The following ZNF282 variants were observed in gnomAD, a reference collection of about 807,000 sequenced individuals.
The protein encoded by ZNF282 is HTLV-I U5 repressive element-binding protein 1.
A neutral mutation model predicts 61.9 loss-of-function variants in ZNF282; 30 were observed. The ratio of observed to expected loss-of-function variants is 0.48; its 90% confidence interval spans 0.36 to 0.66. The LOEUF (loss-of-function observed/expected upper bound fraction) is 0.66. Ranked by LOEUF, ZNF282 falls within the 30% of genes least tolerant of loss-of-function variation. The pLI is 0.00. For synonymous variants in ZNF282, 396 were observed against 405.0 expected (o/e 0.98, Z 0.27); for missense variants, 788 against 941.4 (o/e 0.84, Z 2.13).
Position 149,198,586 on chromosome 7 carries a change from C to T in ZNF282, c.419C>T (p.Ala140Val), listed in dbSNP as rs1409761481. The change falls in exon 2 of 8, where the codon GCC becomes GTC. Residue 140 changes from alanine (A) to valine (V), a missense_variant. Around this residue, in one of 3 missense-constraint regions of ZNF282, gnomAD observed 92 missense variants for 163.9 expected, o/e 0.56. Transcript: ENST00000610704. This position sits in a 1 kb window ranked among gnomAD's most constrained non-coding sequence, Gnocchi z 4.3. ...AAGCTGGCCGACTGTGAAAAGACGGCCGTGGAATTTGGGAACCACATGGAG... is the reference window on the plus strand; with the variant it reads ...AAGCTGGCCGACTGTGAAAAGACGGTCGTGGAATTTGGGAACCACATGGAG... ...EKKLADCEKT[A>V]VEFGNHMESK... The T allele has an allele frequency of 1.2e-6, 2 of 1,614,030 alleles. No homozygotes were observed. The highest frequency in any genetic ancestry group is 1.7e-6 in the Non-Finnish European group (2 of 1,180,032).
intron 3 of ZNF282, 70 bp from the exon 4 acceptor site, chr7:149,207,281 T>C: frequency 6.6e-7 from 1 of 1,526,054 alleles, no homozygotes; most frequent in African/African-American, 1.4e-5. Context: ...AGGGGAGAGT[T>C]CTCCCTTCCC....
At position 149,207,579 on chromosome 7, in the gene ZNF282, G is replaced by C. The variant is rs1392210179; in HGVS notation, c.832+109G>C. 3.4e-6 allele frequency: 5 copies of C among 1,465,740 alleles called. No homozygotes were observed. In the East Asian group the frequency reaches 1.2e-4, roughly 36 times the overall value. 90.8% of individuals were successfully genotyped at this position (1,465,740 alleles called of 1,614,324 possible). ...CCACTGTGTGTGCACCATGGGGCGAGGGTCTTGGGTGGCTCCCAGGGGCCA... is the reference window on the plus strand; with the variant it reads ...CCACTGTGTGTGCACCATGGGGCGACGGTCTTGGGTGGCTCCCAGGGGCCA... On this transcript the variant is annotated intron_variant, in intron 4 of 7. Coordinates refer to ENST00000610704, the MANE Select transcript of ZNF282 (RefSeq NM_003575.4).
Position 149,224,620 on chromosome 7 carries a change from G to A in ZNF282, c.1989G>A (p.Gln663=). The part of the protein sequence containing the change: ...SGGPGPGAPR[Q]LPPPPERD Reference sequence around the variant, plus strand: ...GCCCGGGCCCCGGCGCCCCACGGCAGCTCCCGCCGCCTCCTGAGCGAGACT... The same window carrying A: ...GCCCGGGCCCCGGCGCCCCACGGCAACTCCCGCCGCCTCCTGAGCGAGACT... The change falls in exon 8 of 8, where the codon CAG becomes CAA. Residue 663 remains glutamine, a synonymous_variant. Coordinates refer to ENST00000610704, the MANE Select transcript of ZNF282 (RefSeq NM_003575.4). 6.5e-7 allele frequency: 1 copy of A among 1,539,096 alleles called. No individual in the cohort carries two copies. Among genetic ancestry groups the A allele is most frequent in the Non-Finnish European group, 8.7e-7 (1 of 1,146,912 alleles).
intron 5 of ZNF282, 88 bp downstream of exon 5, chr7:149,210,792 C>A: frequency 6.9e-7 from 1 of 1,446,820 alleles, no homozygotes; most frequent in South Asian, 1.5e-5. Flanking sequence ...AGTTAGCTGT[C>A]ACATGTGCCA....
intron 7 of ZNF282, 64 bp from the exon 8 acceptor site, chr7:149,223,748 G>A: frequency 7.2e-7 from 1 of 1,393,586 alleles, no homozygotes; most frequent in Non-Finnish European, 9.3e-7. Context: ...GCCCCCCTTC[G>A]GGAGCAGTGT....
chr7:149,198,237 A>G lies in ZNF282; in HGVS notation c.166-96A>G. 4 of 1,412,746 alleles carry G rather than the reference A, an allele frequency of 2.8e-6. No homozygotes were observed. The highest frequency in any genetic ancestry group is 3.8e-6 in the Non-Finnish European group (4 of 1,041,434). The allele number at this position is 1,412,746 out of a possible 1,614,324, so 87.5% of individuals were successfully genotyped here. ...GGGGGCCTGGCAGAAGAAAGACGAC[A>G]TGTAGCATCTGATTAGTTGACCCCT... On this transcript the variant is annotated intron_variant, in intron 1 of 7. Transcript: ENST00000610704. The surrounding 1 kb of genome is among the most constrained non-coding windows in gnomAD (Gnocchi z 4.3).
chr7:149,197,822 C>G (rs1795842434), intron 1 of ZNF282, among the ~76,000 whole-genome samples: 1 of 152,230 alleles, frequency 6.6e-6, no homozygotes, highest in Non-Finnish European at 1.5e-5. Context: ...GCTGGCAGTG[C>G]AGGGAGGCGC....
At chr7:149,201,385 A>G (rs768598999) in intron 2 of ZNF282, among the ~76,000 whole-genome samples, 1 of 152,114 alleles carries the variant, frequency 6.6e-6, no homozygotes, top group Non-Finnish European at 1.5e-5. Flanking sequence ...CCCCCCACCC[A>G]TACAGTCTAT....
chr7:149,196,887 G>T (rs1795825952), intron 1 of ZNF282, among the ~76,000 whole-genome samples: 1 of 152,178 alleles, frequency 6.6e-6, no homozygotes, highest in Non-Finnish European at 1.5e-5. Flanking sequence ...CCGGAGCAGG[G>T]CTGCTCTTGA....
chr7:149,224,213 G>A lies in ZNF282; in HGVS notation c.1582G>A (p.Gly528Ser). The change falls in exon 8 of 8, where the codon GGC (glycine) becomes AGC (serine). Residue 528 changes from glycine (G) to serine (S), a missense_variant. Gly to Ser is a moderately conservative substitution (Grantham distance 56). This residue lies in a region of ZNF282 where 559 missense variants were observed against 642.0 expected (regional missense o/e 0.87). Coordinates refer to ENST00000610704, the MANE Select transcript of ZNF282 (RefSeq NM_003575.4). ...YSCPECGKSF[G>S]VRKSLIIHHR... ...GTGCCCCGAGTGCGGCAAGAGCTTCGGCGTGCGCAAGAGCCTCATCATCCA... is the reference window on the plus strand; with the variant it reads ...GTGCCCCGAGTGCGGCAAGAGCTTCAGCGTGCGCAAGAGCCTCATCATCCA... 6.2e-7 allele frequency: 1 copy of A among 1,604,372 alleles called. No homozygotes were observed. The highest frequency in any genetic ancestry group is 8.5e-7 in the Non-Finnish European group (1 of 1,178,438).
At chr7:149,216,097 A>T (rs1796157644) in intron 7 of ZNF282, among the ~76,000 whole-genome samples, 1 of 151,928 alleles carries the variant, frequency 6.6e-6, no homozygotes, top group African/African-American at 2.4e-5. Flanking sequence ...ATGTTGTTTT[A>T]TCTTTTTTTT....
chr7:149,206,155 G>A (rs143552648), intron 2 of ZNF282, among the ~76,000 whole-genome samples: 3 of 152,312 alleles, frequency 2.0e-5, no homozygotes, highest in Non-Finnish European at 4.4e-5. Flanking sequence ...GCACACTCAA[G>A]TATTTATTGA....
At chr7:149,215,120 T>G (rs933941831) in intron 7 of ZNF282, among the ~76,000 whole-genome samples, 1 of 151,968 alleles carries the variant, frequency 6.6e-6, no homozygotes, top group Admixed American at 6.6e-5. Flanking sequence ...TCAACATGGC[T>G]GACCTAGTGT....
chr7:149,209,054 C>T (rs911045118), intron 4 of ZNF282, among the ~76,000 whole-genome samples: 3 of 147,266 alleles, frequency 2.0e-5, no homozygotes, highest in Admixed American at 6.9e-5. Context: ...CGCGGTGGCT[C>T]ACGCCTGTAA....
chr7:149,220,989 G>A (rs767978863), intron 7 of ZNF282, among the ~76,000 whole-genome samples: 5 of 149,218 alleles, frequency 3.4e-5, no homozygotes, highest in Non-Finnish European at 5.9e-5. Flanking sequence ...GCGCGATCAC[G>A]GCTCACCGCA....
chr7:149,198,961 T>C lies in ZNF282; in HGVS notation c.585+209T>C, dbSNP rs1795866723. Among the ~76,000 whole-genome samples the C allele has an allele frequency of 6.6e-6, 1 of 152,230 alleles. No homozygotes were observed. Among genetic ancestry groups the C allele is most frequent in the Admixed American group, 6.5e-5 (1 of 15,284 alleles). On this transcript the variant is annotated intron_variant, in intron 2 of 7. Transcript: ENST00000610704. This position sits in a 1 kb window ranked among gnomAD's most constrained non-coding sequence, Gnocchi z 4.3. Reference sequence around the variant, plus strand: ...CTCACTCCATTCATTCCCCACAGTCTGCATTTCTGTCTGGGAGCCTTTGCT... The same window carrying C: ...CTCACTCCATTCATTCCCCACAGTCCGCATTTCTGTCTGGGAGCCTTTGCT...
At chr7:149,210,319 G>A (rs1033854429) in intron 4 of ZNF282, among the ~76,000 whole-genome samples, 4 of 152,060 alleles carry the variant, frequency 2.6e-5, no homozygotes, top group African/African-American at 9.7e-5. Context: ...TTTGCTGCTT[G>A]CCTAGCCCTT....
chr7:149,198,237 A>T lies in ZNF282; in HGVS notation c.166-96A>T. The T allele has an allele frequency of 7.1e-7, 1 of 1,412,746 alleles. No homozygotes were observed. The highest frequency in any genetic ancestry group is 1.4e-5 in the African/African-American group (1 of 69,734). 87.5% of individuals were successfully genotyped at this position (1,412,746 alleles called of 1,614,324 possible). ...GGGGGCCTGGCAGAAGAAAGACGAC[A>T]TGTAGCATCTGATTAGTTGACCCCT... On this transcript the variant is annotated intron_variant, in intron 1 of 7. Coordinates refer to ENST00000610704, the MANE Select transcript of ZNF282 (RefSeq NM_003575.4). This position sits in a 1 kb window ranked among gnomAD's most constrained non-coding sequence, Gnocchi z 4.3.
At chr7:149,211,995 A>G (rs1796091217) in intron 5 of ZNF282, among the ~76,000 whole-genome samples, 1 of 152,212 alleles carries the variant, frequency 6.6e-6, no homozygotes, top group Non-Finnish European at 1.5e-5. Flanking sequence ...TTGTCAATAT[A>G]TAATTTAAAA....
Sources: gnomAD v4.1 joint callset for allele counts (sites outside exome capture counted in the v4.1 genomes callset) on GRCh38, gnomAD v4.1.1 for gene constraint, gnomAD v4.1.1 regional missense constraint, Gnocchi (gnomAD v3.1) non-coding constraint, MANE v1.5 for transcripts, NCBI Gene and HGNC (gene_info 2026-07-23, HGNC 2026-07-21) for gene names.